TRRAP: variants seen among roughly 807,000 people sequenced by gnomAD.
TRRAP encodes the protein transformation/transcription domain associated protein.
Under a neutral mutation model 438.8 loss-of-function variants are expected in TRRAP, and 41 were observed. The ratio of observed to expected loss-of-function variants is 0.09; its 90% CI spans 0.07 to 0.12. The LOEUF (loss-of-function observed/expected upper bound fraction) is 0.12, where lower values mean the gene tolerates loss of function less well. Among genes scored for constraint, TRRAP ranks in the 10% least tolerant of loss-of-function variants. The pLI is 1.00. For synonymous variants in TRRAP, 1,994 were observed against 1,962.9 expected, an observed-to-expected ratio of 1.02 and a Z score of -0.42; for missense variants, 3,122 against 5,055.1, an observed-to-expected ratio of 0.62 and a Z score of 11.60.
chr7:99,008,201 G>C (rs1311204658), intron 69 of TRRAP, among the ~76,000 whole-genome samples, 176 bp from the exon 70 acceptor site: 1 of 152,202 alleles, frequency 6.6e-6, no homozygotes, highest in African/African-American at 2.4e-5. Flanking sequence ...TGCCGTCAGA[G>C]CCTCATGCCA....
chr7:99,002,879 G>A (rs889100080), intron 67 of TRRAP, among the ~76,000 whole-genome samples: 1 of 152,218 alleles, frequency 6.6e-6, no homozygotes, highest in Non-Finnish European at 1.5e-5. Flanking sequence ...ATAGCTGGGT[G>A]TTATGCCCAG....
rs150896131 is a variant in TRRAP at position 98,959,882 on chromosome 7, A to G, written c.6489+392A>G. Among the ~76,000 whole-genome samples the G allele has an allele frequency of 1.5e-4, 22 of 146,676 alleles. No homozygotes were observed. The East Asian group carries it at 4.4e-3, about 30-fold the overall frequency. ...GAGGTTGAGGCTGCAGTGAGCTATG[A>G]TTGGTGCCACTGCACTACAGCTTGG... is the stretch of plus-strand genomic sequence containing the variant. On this transcript the variant is annotated intron_variant, in intron 45 of 72. Transcript: ENST00000456197.
At chr7:98,894,015 A>G (rs1236156463) in intron 6 of TRRAP, 134 bp downstream of exon 6, 8 of 761,174 alleles carry the variant, frequency 1.1e-5, no homozygotes, top group African/African-American at 3.5e-5. Flanking sequence ...GTTTGGGGCA[A>G]TTCTTTATGA....
In TRRAP at chr7:98,908,622, C is replaced by T. The variant is rs1430596396; in HGVS notation, c.1116-106C>T. On this transcript the variant is annotated intron_variant, in intron 13 of 72. Coordinates refer to ENST00000456197, the MANE Select transcript of TRRAP (RefSeq NM_001375524.1). The surrounding 1 kb of genome is among the most constrained non-coding windows in gnomAD (Gnocchi z 4.1). ...GTGAAAATGGGCCATGTAAGTGTGC[C>T]GACCCAGGGGTGGTGTTCCTGGGGC... 2.9e-5 allele frequency: 29 copies of T among 1,005,360 alleles called. No individual in the cohort carries two copies. The highest frequency in any genetic ancestry group is 1.1e-4 in the Admixed American group (5 of 47,058). The allele number at this position is 1,005,360 out of a possible 1,614,324, so 62.3% of individuals were successfully genotyped here.
chr7:98,933,555 A>G (rs1554413486), intron 27 of TRRAP, among the ~76,000 whole-genome samples, 153 bp downstream of exon 27: 1 of 152,066 alleles, frequency 6.6e-6, no homozygotes, highest in African/African-American at 2.4e-5. Flanking sequence ...CAACCTGAGC[A>G]GGTATGTTGC....
intron 67 of TRRAP, among the ~76,000 whole-genome samples, chr7:99,002,056 G>A (rs893208321): frequency 6.8e-6 from 1 of 146,000 alleles, no homozygotes; most frequent in South Asian, 2.2e-4. Context: ...TCTTAATTGT[G>A]AAATACCACA....
chr7:99,004,143 C>T (rs1165555371), intron 67 of TRRAP, 47 bp from the exon 68 acceptor site: 1 of 1,561,062 alleles, frequency 6.4e-7, no homozygotes, highest in Non-Finnish European at 8.7e-7. Flanking sequence ...TGTGTTAGAA[C>T]TGGCCCAGAT....
chr7:98,902,909 A>T (rs1796535157), intron 11 of TRRAP, among the ~76,000 whole-genome samples: 2 of 14,096 alleles, frequency 1.4e-4, no homozygotes, highest in African/African-American at 1.6e-4. Flanking sequence ...CCCCATTTCT[A>T]AAAAAAAAAA....
In TRRAP at chr7:98,902,128, A is replaced by C. The variant is rs116797034; in HGVS notation, c.898-1251A>C. On this transcript the variant is annotated intron_variant, in intron 11 of 72. Transcript: ENST00000456197. ...CATTTACATGCAGATTTTTGTATGG[A>C]CATATTTGGTTCATTGACTTTTGCT... is the stretch of plus-strand genomic sequence containing the variant. 6.1e-3 allele frequency among the ~76,000 whole-genome samples: 924 copies of C among 152,292 alleles called. 7 individuals are homozygous for C. The highest frequency in any genetic ancestry group is 0.021 in the African/African-American group (884 of 41,564).
intron 35 of TRRAP, among the ~76,000 whole-genome samples, chr7:98,949,203 G>A (rs902389202): frequency 6.6e-6 from 1 of 151,844 alleles, no homozygotes; most frequent in Non-Finnish European, 1.5e-5. Flanking sequence ...CTGCACTTCA[G>A]CCTGGGCAAT....
chr7:98,899,523 C>T (rs141815753), intron 9 of TRRAP, 24 bp downstream of exon 9: 196 of 1,613,018 alleles, frequency 1.2e-4, no homozygotes, highest in Non-Finnish European at 1.6e-4. Context: ...TCATTAGTCT[C>T]TTGGGTTTTG....
intron 63 of TRRAP, 41 bp from the exon 64 acceptor site, chr7:98,990,414 A>G: frequency 3.1e-6 from 5 of 1,600,454 alleles, no homozygotes; most frequent in Non-Finnish European, 4.3e-6. Context: ...TGAGGGCTTC[A>G]GAATTGTCAT....
chr7:98,988,704 A>G (rs1793257638), intron 62 of TRRAP, 61 bp from the exon 63 acceptor site: 5 of 1,569,522 alleles, frequency 3.2e-6, no homozygotes, highest in African/African-American at 2.7e-5. Context: ...TTAATTTCAG[A>G]TTACGTGAAG....
At chr7:98,888,397 C>T (rs1441775652) in intron 3 of TRRAP, among the ~76,000 whole-genome samples, 5 of 151,482 alleles carry the variant, frequency 3.3e-5, no homozygotes, top group African/African-American at 7.3e-5. Flanking sequence ...GTTAGCCAGG[C>T]GTGGTGGCTT....
At chr7:98,934,957 T>C (rs1188262769) in intron 27 of TRRAP, among the ~76,000 whole-genome samples, 1 of 152,116 alleles carries the variant, frequency 6.6e-6, no homozygotes, top group African/African-American at 2.4e-5. Context: ...AAAAATGATA[T>C]TAGCCTATAC....
intron 5 of TRRAP, among the ~76,000 whole-genome samples, chr7:98,892,904 T>G (rs540321449): frequency 5.0e-4 from 76 of 152,298 alleles, no homozygotes; most frequent in Non-Finnish European, 8.2e-4. Flanking sequence ...CTCACATCCT[T>G]GGGGTGAATC....
rs754770910 is a variant in TRRAP at position 98,964,654 on chromosome 7, C to T, written c.6855C>T (p.Ala2285=). Residue 2285 remains alanine, a synonymous_variant, in exon 48 of 73, where the codon GCC becomes GCT. Transcript: ENST00000456197. ...GGACCCTTATGATCCTCAAGTCTGCCTGCAGCAACAACCCCAGCTACATAG... is the reference window on the plus strand; with the variant it reads ...GGACCCTTATGATCCTCAAGTCTGCTTGCAGCAACAACCCCAGCTACATAG... The part of the protein sequence containing the change: ...LFGTLMILKS[A]CSNNPSYIDR... 59 of 1,613,788 alleles carry T rather than the reference C, an allele frequency of 3.7e-5. No individual in the cohort carries two copies. Among genetic ancestry groups the T allele is most frequent in the Non-Finnish European group, 4.7e-5 (56 of 1,179,936 alleles).
chr7:98,962,115 A>T (rs1460804928), intron 46 of TRRAP, among the ~76,000 whole-genome samples, 187 bp from the exon 47 acceptor site: 3 of 152,188 alleles, frequency 2.0e-5, no homozygotes, highest in Admixed American at 2.0e-4. Context: ...AGCTTTTTTG[A>T]GTATTCTGCA....
rs762345909 is a variant in TRRAP at position 98,964,587 on chromosome 7, T to G, written c.6830-42T>G. The G allele has an allele frequency of 8.1e-6, 13 of 1,596,978 alleles. No homozygotes were observed. The East Asian group carries it at 1.3e-4, about 17-fold the overall frequency. On this transcript the variant is annotated intron_variant, in intron 47 of 72. Transcript: ENST00000456197. Reference sequence around the variant, plus strand: ...TTGCTTTCACTCTGTTTTTCGTGGTTGTTACTTTTCTGTGAAACACTTGGC... The same window carrying G: ...TTGCTTTCACTCTGTTTTTCGTGGTGGTTACTTTTCTGTGAAACACTTGGC...
Sources: allele counts gnomAD v4.1 joint callset (sites outside exome capture counted in the v4.1 genomes callset), GRCh38; gene constraint gnomAD v4.1.1; non-coding constraint Gnocchi (gnomAD v3.1); transcripts MANE v1.5; gene names NCBI Gene and HGNC (gene_info 2026-07-23, HGNC 2026-07-21).